Variants in NIPBL observed in about 807,000 individuals in gnomAD.
NIPBL encodes the protein nipped-B-like protein.
In NIPBL, 19 loss-of-function variants were observed where a neutral mutation model predicts 321.8. The observed-to-expected ratio is 0.06, with a 90% CI of 0.04 to 0.09. The LOEUF is 0.09. Among genes scored for constraint, NIPBL ranks in the 10% least tolerant of loss-of-function variants. The pLI, the probability that NIPBL is intolerant of heterozygous loss-of-function variation, is 1.00. For synonymous variants in NIPBL, 1,106 were observed against 1,114.1 expected (o/e 0.99, Z 0.14); for missense variants, 2,210 against 3,327.0 (o/e 0.66, Z 8.26).
At chr5:36,953,797 G>A (rs1200077314) in intron 2 of NIPBL, 37 bp downstream of exon 2, 4 of 1,507,516 alleles carry the variant, frequency 2.7e-6, no homozygotes, top group Non-Finnish European at 3.7e-6. Context: ...AAGTTCTACT[G>A]TGTGTTAACA....
Position 37,059,028 on chromosome 5 carries a change from A to G in NIPBL, c.7548A>G (p.Glu2516=). The change falls in exon 44 of 47, where the codon GAA becomes GAG. Residue 2516 remains glutamate (E), a synonymous_variant. Transcript: ENST00000282516. ...ATTCAGATTCAGATTCAGATTCAGAAGACGATATAAATTCAGTGATGAAAT... is the reference window on the plus strand; with the variant it reads ...ATTCAGATTCAGATTCAGATTCAGAGGACGATATAAATTCAGTGATGAAAT... The part of the protein sequence containing the change: ...RVDSDSDSDS[E]DDINSVMKCL... 6.2e-7 allele frequency: 1 copy of G among 1,614,202 alleles called. No homozygotes were observed. The highest frequency in any genetic ancestry group is 8.5e-7 in the Non-Finnish European group (1 of 1,180,022).
intron 32 of NIPBL, among the ~76,000 whole-genome samples, chr5:37,035,826 G>T (rs1017109911): frequency 6.6e-6 from 1 of 152,110 alleles, no homozygotes; most frequent in African/African-American, 2.4e-5. Flanking sequence ...CTTTGATTAT[G>T]AAAGATTAGA....
intron 1 of NIPBL, among the ~76,000 whole-genome samples, chr5:36,945,973 C>T (rs1192093591): frequency 6.6e-6 from 1 of 151,978 alleles, no homozygotes; most frequent in Non-Finnish European, 1.5e-5. Flanking sequence ...TTTACTTAAC[C>T]TGTGTAGCTA....
chr5:36,907,986 A>G lies in NIPBL; in HGVS notation c.-80+30808A>G, dbSNP rs375882963. Among the ~76,000 whole-genome samples the G allele has an allele frequency of 2.6e-4, 39 of 152,314 alleles. No individual in the cohort carries two copies. In the Middle Eastern group the frequency reaches 0.01, roughly 40 times the overall value. ...GCTAAGCAGGTATCTATCTTTTCCA[A>G]AAGGAAGTATTTTAGAGCTAACAAC... is the stretch of plus-strand genomic sequence containing the variant. On this transcript the variant is annotated intron_variant, in intron 1 of 46. Transcript: ENST00000282516.
chr5:36,990,699 T>C (rs530785034), intron 10 of NIPBL, among the ~76,000 whole-genome samples: 15 of 152,304 alleles, frequency 9.8e-5, no homozygotes, highest in Admixed American at 3.9e-4. Flanking sequence ...ATGATTTCCA[T>C]TTGTAGAAAT....
chr5:37,014,850 C>T, intron 22 of NIPBL, 85 bp downstream of exon 22: 2 of 815,864 alleles, frequency 2.5e-6, no homozygotes, highest in South Asian at 1.4e-5. Flanking sequence ...ATCCAATTTC[C>T]TGCCATAATC....
intron 1 of NIPBL, among the ~76,000 whole-genome samples, chr5:36,943,846 C>T (rs1739372657): frequency 6.6e-6 from 1 of 152,012 alleles, no homozygotes; most frequent in Admixed American, 6.6e-5. Context: ...AAGAATTATT[C>T]AAGGAGGAGA....
chr5:37,043,016 GT>G (rs747983659), intron 34 of NIPBL, among the ~76,000 whole-genome samples: 3 of 151,574 alleles, frequency 2.0e-5, no homozygotes, highest in Middle Eastern at 6.8e-3. Flanking sequence ...CTACCTTTTG[GT>G]TTTTTTTAAA....
At chr5:36,956,876 C>T (rs913970895) in intron 3 of NIPBL, among the ~76,000 whole-genome samples, 6 of 151,958 alleles carry the variant, frequency 3.9e-5, no homozygotes, top group Non-Finnish European at 7.4e-5. Context: ...CCACCCACCT[C>T]GGCCTCCCAA....
intron 34 of NIPBL, among the ~76,000 whole-genome samples, chr5:37,042,653 G>T (rs1333605359): frequency 1.3e-5 from 2 of 151,834 alleles, no homozygotes; most frequent in African/African-American, 4.8e-5. Flanking sequence ...AGCCAGGCGT[G>T]GTGGCAGGCT....
chr5:37,024,402 G>A (rs187387201), intron 29 of NIPBL, among the ~76,000 whole-genome samples, 183 bp from the exon 30 acceptor site: 190 of 151,520 alleles, frequency 1.3e-3, no homozygotes, highest in Non-Finnish European at 2.2e-3. Flanking sequence ...TACTTTAAAA[G>A]TAAAGACAAC....
chr5:36,889,753 A>G (rs1281142942), intron 1 of NIPBL, among the ~76,000 whole-genome samples: 2 of 152,144 alleles, frequency 1.3e-5, no homozygotes, highest in African/African-American at 2.4e-5. Context: ...TAAAAATTTT[A>G]TAATTCAGTA....
chr5:37,019,815 C>A (rs1481237399), intron 25 of NIPBL, among the ~76,000 whole-genome samples: 2 of 152,006 alleles, frequency 1.3e-5, no homozygotes, highest in Admixed American at 1.3e-4. Flanking sequence ...CACAATGTAA[C>A]CAAAATATTA....
At chr5:37,006,626 GC>G in intron 17 of NIPBL, 38 bp downstream of exon 17, 1 of 1,435,252 alleles carries the variant, frequency 7.0e-7, no homozygotes, top group East Asian at 2.4e-5. Flanking sequence ...GTAAATTTTT[GC>G]CATGTTAGAT....
chr5:37,005,035 A>G (rs540360266), intron 16 of NIPBL, among the ~76,000 whole-genome samples: 1 of 152,182 alleles, frequency 6.6e-6, no homozygotes, highest in Non-Finnish European at 1.5e-5. Context: ...ATGCAGCCCA[A>G]CACAAATTCG....
chr5:36,994,531 T>A (rs1230907313), intron 10 of NIPBL, among the ~76,000 whole-genome samples: 1 of 152,164 alleles, frequency 6.6e-6, no homozygotes, highest in Non-Finnish European at 1.5e-5. Flanking sequence ...ATTTGCATGT[T>A]ATAAAGGATA....
intron 9 of NIPBL, among the ~76,000 whole-genome samples, chr5:36,977,587 T>TG (rs1561104614): frequency 9.2e-6 from 1 of 109,166 alleles, no homozygotes; most frequent in African/African-American, 3.6e-5. Context: ...GGGAGCTGGG[T>TG]TTTTTTTTCT....
chr5:37,054,511 C>T (rs1348050878), intron 42 of NIPBL, among the ~76,000 whole-genome samples: 1 of 152,132 alleles, frequency 6.6e-6, no homozygotes, highest in Non-Finnish European at 1.5e-5. Context: ...TCCTGAGTGC[C>T]CTGATGGTTT....
chr5:37,046,308 G>A lies in NIPBL; in HGVS notation c.6589+109G>A, dbSNP rs186305639. The A allele has an allele frequency of 1.2e-4, 88 of 708,020 alleles. No homozygotes were observed. In the African/African-American group the frequency reaches 1.3e-3, roughly 11 times the overall value. The allele number at this position is 708,020 out of a possible 1,614,324, so 43.9% of individuals were successfully genotyped here. Reference sequence around the variant, plus strand: ...TTACTTTAATATGTTTCTATTAGCAGTAGGATTTGGTGTATAGAATGTAGG... The same window carrying A: ...TTACTTTAATATGTTTCTATTAGCAATAGGATTTGGTGTATAGAATGTAGG... On this transcript the variant is annotated intron_variant, in intron 38 of 46. Transcript: ENST00000282516.
Sources: allele counts gnomAD v4.1 joint callset (sites outside exome capture counted in the v4.1 genomes callset), GRCh38; gene constraint gnomAD v4.1.1; transcripts MANE v1.5; gene names NCBI Gene and HGNC (gene_info 2026-07-23, HGNC 2026-07-21).